PRKAG2: variants seen among roughly 807,000 people sequenced by gnomAD.
The protein encoded by PRKAG2 is 5'-AMP-activated protein kinase subunit gamma-2.
Under a neutral mutation model 69.6 loss-of-function variants are expected in PRKAG2, and 26 were observed. The ratio of observed to expected loss-of-function variants is 0.37; its 90% CI spans 0.27 to 0.52. The LOEUF (loss-of-function observed/expected upper bound fraction) is 0.52, where lower values mean the gene tolerates loss of function less well. Among genes scored for constraint, PRKAG2 ranks in the 20% least tolerant of loss-of-function variants. The pLI is 0.90. For missense variants in PRKAG2, 557 were observed against 740.0 expected, an observed-to-expected ratio of 0.75 and a Z score of 2.87; for synonymous variants, 293 against 285.0, an observed-to-expected ratio of 1.03 and a Z score of -0.28.
At chr7:151,849,736 G>T (rs533981851) in intron 1 of PRKAG2, among the ~76,000 whole-genome samples, 1 of 152,086 alleles carries the variant, frequency 6.6e-6, no homozygotes, top group Non-Finnish European at 1.5e-5. Context: ...CTGTCCCATG[G>T]CCTGCTCCCC....
intron 3 of PRKAG2, among the ~76,000 whole-genome samples, chr7:151,755,093 T>C (rs149406504): frequency 6.6e-6 from 1 of 152,168 alleles, no homozygotes; most frequent in African/African-American, 2.4e-5. Context: ...AGAGCTGTCC[T>C]GAGCGGGGGT....
At chr7:151,822,544 A>C (rs2078812717) in intron 1 of PRKAG2, among the ~76,000 whole-genome samples, 2 of 152,202 alleles carry the variant, frequency 1.3e-5, no homozygotes, top group African/African-American at 4.8e-5. Flanking sequence ...GCTGGGCTGC[A>C]CAGCTGAGAC....
At chr7:151,584,933 A>G (rs913218525) in intron 6 of PRKAG2, among the ~76,000 whole-genome samples, 2 of 152,140 alleles carry the variant, frequency 1.3e-5, no homozygotes, top group Non-Finnish European at 1.5e-5. Flanking sequence ...TAAAAAAGAA[A>G]CAACGCAAGG....
intron 4 of PRKAG2, among the ~76,000 whole-genome samples, chr7:151,655,872 C>A (rs1163738996): frequency 6.6e-6 from 1 of 152,152 alleles, no homozygotes; most frequent in Non-Finnish European, 1.5e-5. Context: ...TATTATCACA[C>A]CCCACATAGC....
intron 4 of PRKAG2, among the ~76,000 whole-genome samples, chr7:151,648,672 T>C (rs749186343): frequency 4.6e-5 from 7 of 152,142 alleles, no homozygotes; most frequent in Non-Finnish European, 8.8e-5. Flanking sequence ...CACTCATGGG[T>C]CATGAAATCA....
chr7:151,591,217 C>T (rs1352401712), intron 6 of PRKAG2, among the ~76,000 whole-genome samples: 1 of 152,250 alleles, frequency 6.6e-6, no homozygotes, highest in African/African-American at 2.4e-5. Context: ...GACACATACT[C>T]CTTTTCTCTA....
chr7:151,635,954 A>G (rs141987598), intron 4 of PRKAG2, among the ~76,000 whole-genome samples: 21,668 of 145,462 alleles, frequency 0.15, 1,903 homozygotes, highest in African/African-American at 0.24. Context: ...TGCCAGCTCC[A>G]CCTCCCGGGT....
chr7:151,824,972 G>C (rs945923128), intron 1 of PRKAG2, among the ~76,000 whole-genome samples: 3 of 152,168 alleles, frequency 2.0e-5, no homozygotes, highest in Non-Finnish European at 4.4e-5. Context: ...CTAGCACTTC[G>C]GGAGACTGAG....
chr7:151,872,289 G>A (rs928969968), intron 1 of PRKAG2, among the ~76,000 whole-genome samples: 2 of 152,208 alleles, frequency 1.3e-5, no homozygotes, highest in East Asian at 1.9e-4. Context: ...TTACCCTGGG[G>A]GGGGGCTTTT....
intron 5 of PRKAG2, among the ~76,000 whole-genome samples, chr7:151,608,150 C>T (rs552566757): frequency 2.4e-4 from 36 of 152,256 alleles, no homozygotes; most frequent in African/African-American, 7.0e-4. Flanking sequence ...CTGAGGGCAG[C>T]GTGGGGCGGA....
chr7:151,568,628 C>T lies in PRKAG2; in HGVS notation c.1233+88G>A, dbSNP rs2241053. 411,272 of 1,423,952 alleles carry T rather than the reference C, an allele frequency of 0.29. 64,343 individuals are homozygous for T. Among genetic ancestry groups the T allele is most frequent in the African/African-American group, 0.53 (37,511 of 70,506 alleles). 88.2% of individuals were successfully genotyped at this position (1,423,952 alleles called of 1,614,324 possible). Reference sequence around the variant, plus strand: ...ACCTCAAAACTAACAATTTCTTCTACTGAGGGTAACAGGAGCCAATTTACT... The same window carrying T: ...ACCTCAAAACTAACAATTTCTTCTATTGAGGGTAACAGGAGCCAATTTACT... On this transcript the variant is annotated intron_variant, in intron 11 of 15. Transcript: ENST00000287878.
intron 5 of PRKAG2, among the ~76,000 whole-genome samples, chr7:151,600,352 TAAAC>T (rs1815748620): frequency 6.6e-6 from 1 of 152,198 alleles, no homozygotes; most frequent in Non-Finnish European, 1.5e-5. Context: ...AAACAAGTGT[TAAAC>T]AAGTGATACT....
At chr7:151,673,853 T>G in intron 4 of PRKAG2, among the ~76,000 whole-genome samples, 1 of 148,000 alleles carries the variant, frequency 6.8e-6, no homozygotes, top group Admixed American at 6.7e-5. Context: ...TTTTTTTTTT[T>G]TTTTTTTGAG....
At chr7:151,557,828 T>C in intron 15 of PRKAG2, 1 of 813,484 alleles carries the variant, frequency 1.2e-6, no homozygotes. Context: ...CGAGAGATCA[T>C]GCCATTGCAC....
intron 1 of PRKAG2, among the ~76,000 whole-genome samples, chr7:151,804,646 C>T (rs2151843074): frequency 6.6e-6 from 1 of 152,312 alleles, no homozygotes; most frequent in East Asian, 1.9e-4. Flanking sequence ...CACCAACAGG[C>T]TATTTTGTTC....
chr7:151,797,526 C>T (rs1234620917), intron 1 of PRKAG2, among the ~76,000 whole-genome samples: 1 of 152,196 alleles, frequency 6.6e-6, no homozygotes, highest in Non-Finnish European at 1.5e-5. Flanking sequence ...CTGAGGCCTG[C>T]AAAGGCTGCC....
intron 3 of PRKAG2, among the ~76,000 whole-genome samples, chr7:151,684,652 G>A (rs1017051371): frequency 6.6e-6 from 1 of 152,120 alleles, no homozygotes; most frequent in African/African-American, 2.4e-5. Flanking sequence ...GCCTTGCCTG[G>A]GGGACAGGAG....
chr7:151,809,167 G>A, intron 1 of PRKAG2: 1 of 447,188 alleles, frequency 2.2e-6, no homozygotes, highest in Non-Finnish European at 4.5e-6. Context: ...TGCCTGCCTT[G>A]GGTCTTGGCC....
In PRKAG2 at chr7:151,699,336, T is replaced by C. The variant is rs1837271570; in HGVS notation, c.467-23699A>G. Reference sequence around the variant, plus strand: ...CTAGTCCCAGCAGATCTCCGGGAGATGCTGACTGCTGGCCGGATGCCTGTG... The same window carrying C: ...CTAGTCCCAGCAGATCTCCGGGAGACGCTGACTGCTGGCCGGATGCCTGTG... On this transcript the variant is annotated intron_variant, in intron 3 of 15. Coordinates refer to ENST00000287878, the MANE Select transcript of PRKAG2 (RefSeq NM_016203.4). The surrounding 1 kb of genome is among the most constrained non-coding windows in gnomAD (Gnocchi z 4.5). 6.6e-6 allele frequency among the ~76,000 whole-genome samples: 1 copy of C among 152,230 alleles called. No homozygotes were observed. Among genetic ancestry groups the C allele is most frequent in the African/African-American group, 2.4e-5 (1 of 41,456 alleles).
Sources: gnomAD v4.1 joint callset for allele counts (sites outside exome capture counted in the v4.1 genomes callset) on GRCh38, gnomAD v4.1.1 for gene constraint, Gnocchi (gnomAD v3.1) non-coding constraint, MANE v1.5 for transcripts, NCBI Gene and HGNC (gene_info 2026-07-23, HGNC 2026-07-21) for gene names.